Variants in VPS13C observed in about 807,000 individuals in gnomAD.
VPS13C encodes the protein intermembrane lipid transfer protein VPS13C.
A neutral mutation model predicts 456.8 loss-of-function variants in VPS13C; 358 were observed. That is an observed-to-expected ratio of 0.78 (90% CI 0.72 to 0.86). VPS13C has a LOEUF of 0.86. VPS13C is among the 40% of genes least tolerant of loss of function. The pLI, the probability that VPS13C is intolerant of heterozygous loss-of-function variation, is 0.00. For synonymous variants in VPS13C, 1,578 were observed against 1,486.7 expected (o/e 1.06, Z -1.41); for missense variants, 4,818 against 4,385.4 (o/e 1.10, Z -2.79).
At chr15:61,910,345 C>A in intron 63 of VPS13C, 40 bp from the exon 64 acceptor site, 1 of 1,348,712 alleles carries the variant, frequency 7.4e-7, no homozygotes, top group South Asian at 2.0e-5. Context: ...AAGACAATAC[C>A]GTTATATAAT....
Position 61,913,314 on chromosome 15 carries a change from G to A in VPS13C, c.8547C>T (p.Tyr2849=). ...AAATAAGGAAGCAGAATCTTACCAG[G>A]TACTCCATATTGTTGGCAGGACACT... The part of the protein sequence containing the change: ...CVKCPANNME[Y]LVGVSIKMSS... Residue 2849 remains tyrosine (Y), a synonymous_variant, in exon 62 of 85, where the codon TAC becomes TAT. Coordinates refer to ENST00000644861, the MANE Select transcript of VPS13C (RefSeq NM_020821.3). 6.2e-7 allele frequency: 1 copy of A among 1,613,316 alleles called. No homozygotes were observed. The highest frequency in any genetic ancestry group is 8.5e-7 in the Non-Finnish European group (1 of 1,179,378).
Position 61,920,095 on chromosome 15 carries a change from T to C in VPS13C, c.7449A>G (p.Gln2483=). The change falls in exon 57 of 85, where the codon CAA becomes CAG. Residue 2483 remains glutamine, a synonymous_variant. Coordinates refer to ENST00000644861, the MANE Select transcript of VPS13C (RefSeq NM_020821.3). ...SQGNLSILSR[Q]ESSFFTLTIV... ...TGGTCAGAGTGAAGAAGGAGCTTTC[T>C]TGACGGCTCAATATAGATAGGTTCC... The C allele has an allele frequency of 6.2e-7, 1 of 1,609,834 alleles. No homozygotes were observed. The highest frequency in any genetic ancestry group is 8.5e-7 in the Non-Finnish European group (1 of 1,177,078).
At chr15:61,949,670 A>G in intron 41 of VPS13C, 65 bp from the exon 42 acceptor site, 1 of 1,501,810 alleles carries the variant, frequency 6.7e-7, no homozygotes, top group Non-Finnish European at 9.0e-7. Flanking sequence ...TCAGGGTTCA[A>G]CAGATATAAG....
At chr15:61,962,665 TG>T (rs2045248028) in intron 33 of VPS13C, 83 bp downstream of exon 33, 1 of 1,308,804 alleles carries the variant, frequency 7.6e-7, no homozygotes, top group Non-Finnish European at 1.0e-6. Context: ...ATTTCATTAA[TG>T]TTTTTAAAAT....
chr15:61,955,483 G>C (rs1255509573), intron 37 of VPS13C, among the ~76,000 whole-genome samples: 2 of 152,120 alleles, frequency 1.3e-5, no homozygotes, highest in African/African-American at 4.8e-5. Flanking sequence ...GAACCATGTA[G>C]TGTAAGCTAC....
intron 66 of VPS13C, among the ~76,000 whole-genome samples, chr15:61,902,300 G>C (rs1285158330): frequency 6.9e-6 from 1 of 145,748 alleles, no homozygotes; most frequent in Non-Finnish European, 1.5e-5. Context: ...AATTAAAAGT[G>C]TTTAAAAAAA....
At chr15:62,026,764 C>T (rs1244235883) in intron 6 of VPS13C, among the ~76,000 whole-genome samples, 8 of 152,040 alleles carry the variant, frequency 5.3e-5, no homozygotes, top group Non-Finnish European at 1.2e-4. Context: ...AAGAGACATG[C>T]TCAAGGGTTG....
chr15:62,045,102 G>C (rs1451804579), intron 1 of VPS13C, among the ~76,000 whole-genome samples: 1 of 151,838 alleles, frequency 6.6e-6, no homozygotes, highest in Non-Finnish European at 1.5e-5. Flanking sequence ...TATTTAATTT[G>C]TTTACATCAT....
rs1046363255 is a variant in VPS13C, at chr15:61,998,451, G to A, written c.1353+2113C>T. 1.6e-4 allele frequency among the ~76,000 whole-genome samples: 25 copies of A among 152,208 alleles called. No individual in the cohort carries two copies. In the East Asian group the frequency reaches 2.3e-3, roughly 14 times the overall value. ...GATAATGACAATGAAAAAAAATCAC[G>A]TGTTTAGTAACTGCTATGTGCCAGG... On this transcript the variant is annotated intron_variant, in intron 16 of 84. Coordinates refer to ENST00000644861, the MANE Select transcript of VPS13C (RefSeq NM_020821.3).
At chr15:61,951,172 C>T in intron 39 of VPS13C, 148 bp from the exon 40 acceptor site, 1 of 499,776 alleles carries the variant, frequency 2.0e-6, no homozygotes, top group South Asian at 4.9e-5. Flanking sequence ...ATAAATCTTA[C>T]CTCAATAAAC....
In VPS13C at chr15:61,941,852, G is replaced by A. The variant is rs372806749; in HGVS notation, c.5364C>T (p.Asn1788=). The A allele has an allele frequency of 1.5e-5, 24 of 1,613,924 alleles. No individual in the cohort carries two copies. The African/African-American group carries it at 3.1e-4, about 21-fold the overall frequency. ...IADLGLIRVE[N]KFSLVPMEHY... ...GTTCCATAGGAACCAAGCTAAACTT[G>A]TTTTCAACTCTGATTAAACCCAGAT... The change falls in exon 46 of 85, where the codon AAC becomes AAT. Residue 1788 remains asparagine, a synonymous_variant. Transcript: ENST00000644861.
Position 61,916,005 on chromosome 15 carries a change from A to C in VPS13C, c.8073T>G (p.His2691Gln). ...CAGCAGTACTGCCTTCTGCCAGCTCATGAGTTTCTGCTGTTCCCTAAAAAC... is the reference window on the plus strand; with the variant it reads ...CAGCAGTACTGCCTTCTGCCAGCTCCTGAGTTTCTGCTGTTCCCTAAAAAC... ...RYLLEGTAET[H>Q]ELAEGSTADV... Residue 2691 changes from histidine to glutamine, a missense_variant, in exon 61 of 85, where the codon CAT becomes CAG. Transcript: ENST00000644861. The C allele has an allele frequency of 6.3e-7, 1 of 1,587,300 alleles. No homozygotes were observed. Among genetic ancestry groups the C allele is most frequent in the Non-Finnish European group, 8.6e-7 (1 of 1,161,624 alleles).
chr15:61,889,493 A>G (rs1033362336), intron 67 of VPS13C, among the ~76,000 whole-genome samples: 2 of 152,092 alleles, frequency 1.3e-5, no homozygotes, highest in African/African-American at 4.8e-5. Flanking sequence ...TATATTTTGT[A>G]TCATGTCAAC....
At chr15:61,911,423 GCT>G (rs2043298079) in intron 63 of VPS13C, among the ~76,000 whole-genome samples, 2 of 152,166 alleles carry the variant, frequency 1.3e-5, no homozygotes. Flanking sequence ...GAAATTTCCA[GCT>G]CACCTATTCA....
At chr15:61,873,917 T>C (rs1895218230) in intron 77 of VPS13C, among the ~76,000 whole-genome samples, 2 of 151,564 alleles carry the variant, frequency 1.3e-5, no homozygotes, top group Non-Finnish European at 2.9e-5. Flanking sequence ...ATGCAATCAA[T>C]CTAAGTGTCT....
rs780800706 is a variant in VPS13C at position 61,963,969 on chromosome 15, C to T, written c.3215-18G>A. 1 of 1,472,902 alleles carries T rather than the reference C, an allele frequency of 6.8e-7. No homozygotes were observed. The highest frequency in any genetic ancestry group is 1.2e-5 in the South Asian group (1 of 86,488). 91.2% of individuals were successfully genotyped at this position (1,472,902 alleles called of 1,614,324 possible). On this transcript the variant is annotated intron_variant, in intron 31 of 84. Coordinates refer to ENST00000644861, the MANE Select transcript of VPS13C (RefSeq NM_020821.3). Reference sequence around the variant, plus strand: ...TACAATCGCTAAAAATAAAACAAAGCATCTGTCACATGGTGAGATTCTAGT... The same window carrying T: ...TACAATCGCTAAAAATAAAACAAAGTATCTGTCACATGGTGAGATTCTAGT...
At chr15:61,996,818 A>G (rs2046397375) in intron 16 of VPS13C, among the ~76,000 whole-genome samples, 1 of 148,616 alleles carries the variant, frequency 6.7e-6, no homozygotes, top group African/African-American at 2.6e-5. Flanking sequence ...AGAGAGAGAA[A>G]AAAGACTGCA....
At position 62,041,819 on chromosome 15, in the gene VPS13C, C is replaced by CA. The variant is rs1317240293; in HGVS notation, c.145-454dup. On this transcript the variant is annotated intron_variant, in intron 2 of 84. Coordinates refer to ENST00000644861, the MANE Select transcript of VPS13C (RefSeq NM_020821.3). ...TGGGTGACAAGACAAAACTCTGTCT[C>CA]AAAAAAAAAAATTATAACTTAAACT... is the stretch of plus-strand genomic sequence containing the variant. Among the ~76,000 whole-genome samples, 585 of 139,848 alleles carry CA rather than the reference C, an allele frequency of 4.2e-3. 6 individuals are homozygous for CA. The highest frequency in any genetic ancestry group is 0.025 in the East Asian group (123 of 4,896). The allele number at this position is 139,848 out of a possible 152,430, so 91.7% of individuals were successfully genotyped here.
At chr15:61,905,388 G>A (rs1199451471) in intron 66 of VPS13C, among the ~76,000 whole-genome samples, 1 of 152,042 alleles carries the variant, frequency 6.6e-6, no homozygotes, top group African/African-American at 2.4e-5. Flanking sequence ...CAGAAGTCTT[G>A]TAAAAAACTT....
Sources: allele counts gnomAD v4.1 joint callset (sites outside exome capture counted in the v4.1 genomes callset), GRCh38; gene constraint gnomAD v4.1.1; transcripts MANE v1.5; gene names NCBI Gene and HGNC (gene_info 2026-07-23, HGNC 2026-07-21).